The following STAG1 variants were observed in gnomAD, a reference collection of about 807,000 sequenced individuals.
STAG1 encodes cohesin subunit SA-1.
Under a neutral mutation model 170.9 loss-of-function variants are expected in STAG1, and 26 were observed. The ratio of observed to expected loss-of-function variants is 0.15; its 90% CI spans 0.11 to 0.21. The LOEUF is 0.21. Among genes scored for constraint, STAG1 ranks in the 10% least tolerant of loss-of-function variants. The pLI, the probability that STAG1 is intolerant of heterozygous loss-of-function variation, is 1.00. For synonymous variants in STAG1, 514 were observed against 497.7 expected (o/e 1.03, Z -0.44); for missense variants, 964 against 1,509.5 (o/e 0.64, Z 5.99).
intron 1 of STAG1, among the ~76,000 whole-genome samples, chr3:136,706,741 G>A (rs1254991678): frequency 6.6e-6 from 1 of 152,110 alleles, no homozygotes; most frequent in African/African-American, 2.4e-5. Context: ...ATTGCAAGGG[G>A]TCCCAAACAG....
intron 23 of STAG1, among the ~76,000 whole-genome samples, chr3:136,377,007 G>A (rs1250565192): frequency 6.6e-6 from 1 of 150,636 alleles, no homozygotes; most frequent in Non-Finnish European, 1.5e-5. Flanking sequence ...TCGATCTCTT[G>A]ACCTTGTGAT....
chr3:136,619,179 T>C (rs1939731516), intron 3 of STAG1, among the ~76,000 whole-genome samples: 2 of 151,778 alleles, frequency 1.3e-5, no homozygotes, highest in Admixed American at 1.3e-4. Context: ...TGGAAATTAT[T>C]TCAAAATGAA....
intron 5 of STAG1, among the ~76,000 whole-genome samples, chr3:136,561,663 A>G (rs560281768): frequency 4.6e-5 from 7 of 152,322 alleles, no homozygotes; most frequent in African/African-American, 1.4e-4. Flanking sequence ...CATTTTAAAA[A>G]CAGTGATCAT....
At position 136,337,889 on chromosome 3, in the gene STAG1, T is replaced by C. The variant is rs1286144158; in HGVS notation, c.*365A>G. 1 of 180,182 alleles carries C rather than the reference T, an allele frequency of 5.5e-6. No homozygotes were observed. Among genetic ancestry groups the C allele is most frequent in the African/African-American group, 2.3e-5 (1 of 42,788 alleles). 11.2% of individuals were successfully genotyped at this position (180,182 alleles called of 1,614,324 possible). A position where few individuals can be genotyped will look rare whatever the true frequency, so the allele number is the denominator to read the frequency against. ...AGGAAAATAAAGTTAAAAATATGTT[T>C]TTTTTTACTCAATGTTGAGTTTTCA... On this transcript the variant is annotated 3_prime_UTR_variant, in exon 34 of 34. Transcript: ENST00000383202.
chr3:136,484,217 CT>C (rs2089951875), intron 9 of STAG1, among the ~76,000 whole-genome samples: 1 of 151,806 alleles, frequency 6.6e-6, no homozygotes, highest in African/African-American at 2.4e-5. Flanking sequence ...GTTTTATCTA[CT>C]TTTGGTCTTT....
chr3:136,527,995 A>G (rs1053126303), intron 6 of STAG1, among the ~76,000 whole-genome samples: 2 of 151,986 alleles, frequency 1.3e-5, no homozygotes, highest in Non-Finnish European at 2.9e-5. Context: ...GTCTGCCCCT[A>G]TTTGGGGATG....
At chr3:136,551,206 A>G (rs1196604748) in intron 5 of STAG1, among the ~76,000 whole-genome samples, 2 of 45,076 alleles carry the variant, frequency 4.4e-5, no homozygotes, top group Admixed American at 2.7e-4. Context: ...GTTGAGAGAG[A>G]GTGAGAGAGA....
At chr3:136,508,425 C>T (rs1417594001) in intron 7 of STAG1, among the ~76,000 whole-genome samples, 1 of 152,128 alleles carries the variant, frequency 6.6e-6, no homozygotes, top group African/African-American at 2.4e-5. Context: ...TGATGGCTCA[C>T]ATCTGTAATC....
chr3:136,647,745 C>T lies in STAG1; in HGVS notation c.-83-16764G>A, dbSNP rs148254103. On this transcript the variant is annotated intron_variant, in intron 1 of 33. Coordinates refer to ENST00000383202, the MANE Select transcript of STAG1 (RefSeq NM_005862.3). Reference sequence around the variant, plus strand: ...ACTTAAAACATATAGCCTGTAATTTCGTATACATGTTAGGCACTATACACC... The same window carrying T: ...ACTTAAAACATATAGCCTGTAATTTTGTATACATGTTAGGCACTATACACC... 5.6e-4 allele frequency among the ~76,000 whole-genome samples: 86 copies of T among 152,288 alleles called. No individual in the cohort carries two copies. In the East Asian group the frequency reaches 0.015, roughly 26 times the overall value.
At chr3:136,612,979 G>A (rs1435132159) in intron 3 of STAG1, among the ~76,000 whole-genome samples, 1 of 152,128 alleles carries the variant, frequency 6.6e-6, no homozygotes, top group East Asian at 1.9e-4. Flanking sequence ...CAAAGTGGCT[G>A]TACCATTTTG....
intron 13 of STAG1, among the ~76,000 whole-genome samples, chr3:136,463,828 T>TATACATATATAC (rs1185180049): frequency 2.2e-4 from 32 of 145,340 alleles, no homozygotes; most frequent in South Asian, 6.4e-4. Flanking sequence ...TATATTCATA[T>TATACATATATAC]ATACATATAT....
At chr3:136,736,852 G>C in intron 1 of STAG1, 2 of 1,582,396 alleles carry the variant, frequency 1.3e-6, no homozygotes, top group Non-Finnish European at 1.7e-6. Flanking sequence ...CTCTTTCACA[G>C]TGTGGTCAAC....
At chr3:136,369,876 T>C (rs918382005) in intron 23 of STAG1, among the ~76,000 whole-genome samples, 1 of 152,158 alleles carries the variant, frequency 6.6e-6, no homozygotes, top group Non-Finnish European at 1.5e-5. Flanking sequence ...CACCTAGTGA[T>C]GTAGTAACAT....
intron 9 of STAG1, among the ~76,000 whole-genome samples, chr3:136,488,210 C>A (rs987984777): frequency 6.6e-6 from 1 of 152,370 alleles, no homozygotes; most frequent in East Asian, 1.9e-4. Context: ...GCAACCTCCA[C>A]CTCCTGGGTT....
intron 9 of STAG1, among the ~76,000 whole-genome samples, chr3:136,485,936 A>C (rs2090001885): frequency 6.6e-6 from 1 of 152,234 alleles, no homozygotes; most frequent in Non-Finnish European, 1.5e-5. Context: ...AGTTGTTTCC[A>C]AGGTTTTGCT....
chr3:136,733,523 A>AC (rs1934160501), intron 1 of STAG1, among the ~76,000 whole-genome samples: 4 of 152,216 alleles, frequency 2.6e-5, no homozygotes. Flanking sequence ...ACTGAGACTT[A>AC]GAAAGGTTAA....
intron 7 of STAG1, among the ~76,000 whole-genome samples, chr3:136,509,297 G>A (rs1933933196): frequency 6.6e-6 from 1 of 151,914 alleles, no homozygotes; most frequent in Admixed American, 6.6e-5. Context: ...TAGCTTTGAG[G>A]AGAAAGTATA....
chr3:136,422,266 A>C, intron 19 of STAG1, 144 bp downstream of exon 19: 2 of 643,932 alleles, frequency 3.1e-6, no homozygotes, highest in Non-Finnish European at 5.2e-6. Flanking sequence ...TAGAATACAC[A>C]ATTGTAATAA....
intron 9 of STAG1, among the ~76,000 whole-genome samples, chr3:136,497,610 G>A (rs1933185249): frequency 6.6e-6 from 1 of 152,096 alleles, no homozygotes; most frequent in South Asian, 2.1e-4. Context: ...GGAGGCCGAG[G>A]CGGGCGGATC....
Sources: gnomAD v4.1 joint callset for allele counts (sites outside exome capture counted in the v4.1 genomes callset) on GRCh38, gnomAD v4.1.1 for gene constraint, MANE v1.5 for transcripts, NCBI Gene and HGNC (gene_info 2026-07-23, HGNC 2026-07-21) for gene names.